The following ME3 variants were observed in gnomAD, a reference collection of about 807,000 sequenced individuals.
ME3 encodes NADP-dependent malic enzyme, mitochondrial.
A neutral mutation model predicts 68.9 loss-of-function variants in ME3; 48 were observed. The observed-to-expected ratio is 0.70, with a 90% confidence interval of 0.55 to 0.89. The LOEUF (loss-of-function observed/expected upper bound fraction) is 0.89, where lower values mean the gene tolerates loss of function less well. Among genes scored for constraint, ME3 ranks in the 40% least tolerant of loss-of-function variants. The pLI is 0.00. For missense variants in ME3, 675 were observed against 797.4 expected (o/e 0.85, Z 1.85); for synonymous variants, 320 against 318.8 (o/e 1.00, Z -0.04).
At chr11:86,496,829 A>T (rs2139007520) in intron 6 of ME3, among the ~76,000 whole-genome samples, 1 of 151,824 alleles carries the variant, frequency 6.6e-6, no homozygotes, top group South Asian at 2.1e-4. Flanking sequence ...TTGAAAAAGA[A>T]ATATAAAATA....
chr11:86,477,785 C>T (rs1400974614), intron 7 of ME3, among the ~76,000 whole-genome samples: 1 of 152,044 alleles, frequency 6.6e-6, no homozygotes, highest in African/African-American at 2.4e-5. Flanking sequence ...CTGCTTGGTG[C>T]GATGGAAGTG....
intron 2 of ME3, among the ~76,000 whole-genome samples, chr11:86,604,253 GT>G (rs1171138121): frequency 9.9e-5 from 15 of 152,174 alleles, no homozygotes; most frequent in African/African-American, 3.6e-4. Context: ...TAAGGTCTGT[GT>G]TGGTGTTAAA....
intron 12 of ME3, 62 bp from the exon 13 acceptor site, chr11:86,446,549 C>T: frequency 6.7e-7 from 1 of 1,500,712 alleles, no homozygotes; most frequent in South Asian, 1.2e-5. Flanking sequence ...TAATAGTGGC[C>T]TATTCTTATC....
At chr11:86,643,003 G>A (rs577078711) in intron 2 of ME3, among the ~76,000 whole-genome samples, 110 of 148,010 alleles carry the variant, frequency 7.4e-4, no homozygotes, top group African/African-American at 2.7e-3. Context: ...AGTTTTTTTT[G>A]ACATGTTGAC....
intron 7 of ME3, among the ~76,000 whole-genome samples, chr11:86,479,412 T>C (rs914933117): frequency 4.6e-5 from 7 of 152,226 alleles, no homozygotes; most frequent in African/African-American, 1.7e-4. Flanking sequence ...ATCCTATTGG[T>C]TCTGTTACTC....
intron 2 of ME3, among the ~76,000 whole-genome samples, chr11:86,597,943 TGAAA>T (rs1959812902): frequency 6.6e-6 from 1 of 152,160 alleles, no homozygotes; most frequent in East Asian, 2.0e-4. Flanking sequence ...GGCAATTGGT[TGAAA>T]GAGTTATCAG....
chr11:86,504,202 C>T (rs1952910403), intron 5 of ME3, among the ~76,000 whole-genome samples: 1 of 152,058 alleles, frequency 6.6e-6, no homozygotes, highest in Non-Finnish European at 1.5e-5. Flanking sequence ...AGGCAAGCAG[C>T]TAGCAACAGG....
chr11:86,588,884 T>C (rs1289342661), intron 2 of ME3, among the ~76,000 whole-genome samples: 1 of 152,212 alleles, frequency 6.6e-6, no homozygotes, highest in African/African-American at 2.4e-5. Flanking sequence ...AGAGTTGTGC[T>C]GAGGGGCTGG....
chr11:86,478,746 C>T (rs1201110599), intron 7 of ME3, among the ~76,000 whole-genome samples: 1 of 152,122 alleles, frequency 6.6e-6, no homozygotes, highest in Admixed American at 6.5e-5. Context: ...AAAGTGTTTC[C>T]TCAAGTGGTT....
exon 14 of ME3, chr11:86,442,882 T>A (rs757572743): frequency 6.2e-7 from 1 of 1,613,364 alleles, no homozygotes; most frequent in South Asian, 1.1e-5. Context: ...GAGTCTCCCC[T>A]GGGACAGATG....
chr11:86,647,800 T>C (rs972681834), intron 2 of ME3, among the ~76,000 whole-genome samples: 4 of 152,040 alleles, frequency 2.6e-5, no homozygotes, highest in African/African-American at 9.7e-5. Flanking sequence ...TCCCACACAA[T>C]AATAGTGGGA....
At chr11:86,568,647 G>A (rs1293462416) in intron 2 of ME3, among the ~76,000 whole-genome samples, 1 of 152,216 alleles carries the variant, frequency 6.6e-6, no homozygotes, top group Non-Finnish European at 1.5e-5. Flanking sequence ...CCCCTTAGAT[G>A]GTGCTTCTGT....
At chr11:86,552,465 C>T (rs900427452) in intron 4 of ME3, among the ~76,000 whole-genome samples, 2 of 152,204 alleles carry the variant, frequency 1.3e-5, no homozygotes, top group Non-Finnish European at 2.9e-5. Context: ...GGCCAAAATC[C>T]TCCACCTGCC....
chr11:86,617,522 A>G (rs917016392), intron 2 of ME3, among the ~76,000 whole-genome samples: 2 of 152,222 alleles, frequency 1.3e-5, no homozygotes, highest in African/African-American at 4.8e-5. Flanking sequence ...TGTACTGAGA[A>G]GATTCAAGAT....
chr11:86,483,293 A>G lies in ME3; in HGVS notation c.809+4044T>C, dbSNP rs1355961146. Among the ~76,000 whole-genome samples the G allele has an allele frequency of 2.0e-5, 3 of 152,158 alleles. No homozygotes were observed. In the East Asian group the frequency reaches 5.8e-4, roughly 29 times the overall value. ...CCATTTAGGTTGAAGTGACACAGAG[A>G]ATGAATGCTGGAGCAAGCGGGGTTG... On this transcript the variant is annotated intron_variant, in intron 7 of 14. Coordinates refer to ENST00000543262, the Ensembl canonical transcript of ME3.
At chr11:86,513,870 A>G (rs1217157174) in intron 4 of ME3, among the ~76,000 whole-genome samples, 2 of 152,158 alleles carry the variant, frequency 1.3e-5, no homozygotes, top group African/African-American at 4.8e-5. Context: ...ATTTTCACTC[A>G]GAAGATACCA....
chr11:86,611,753 C>G (rs1942594879), intron 2 of ME3, among the ~76,000 whole-genome samples: 1 of 151,938 alleles, frequency 6.6e-6, no homozygotes, highest in African/African-American at 2.4e-5. Flanking sequence ...GATGTTTGAT[C>G]TTAGGCAATC....
At chr11:86,527,503 G>C (rs186985699) in intron 4 of ME3, among the ~76,000 whole-genome samples, 10 of 151,824 alleles carry the variant, frequency 6.6e-5, no homozygotes, top group Admixed American at 2.0e-4. Flanking sequence ...CAAATTCAGA[G>C]AATGCCACAA....
intron 2 of ME3, among the ~76,000 whole-genome samples, chr11:86,612,088 T>G (rs112103869): frequency 9.2e-5 from 14 of 152,268 alleles, no homozygotes; most frequent in Non-Finnish European, 1.8e-4. Flanking sequence ...CAACAGGACC[T>G]GGTGTGTGTT....
Sources: allele counts gnomAD v4.1 joint callset (sites outside exome capture counted in the v4.1 genomes callset), GRCh38; gene constraint gnomAD v4.1.1; transcripts MANE v1.5; gene names NCBI Gene and HGNC (gene_info 2026-07-23, HGNC 2026-07-21).